APOOL: variants seen among roughly 807,000 people sequenced by gnomAD.
The protein encoded by APOOL is apolipoprotein O like, also known as MICOS complex subunit MIC27.
Under a neutral mutation model 23.1 loss-of-function variants are expected in APOOL, and 12 were observed. The ratio of observed to expected loss-of-function variants is 0.52; its 90% CI spans 0.33 to 0.84. The LOEUF (loss-of-function observed/expected upper bound fraction) is 0.84. Ranked by LOEUF, APOOL falls within the 40% of genes least tolerant of loss-of-function variation. The pLI, the probability that APOOL is intolerant of heterozygous loss-of-function variation, is 0.02. For synonymous variants in APOOL, 77 were observed against 69.9 expected, an observed-to-expected ratio of 1.10 and a Z score of -0.51; for missense variants, 212 against 199.6, an observed-to-expected ratio of 1.06 and a Z score of -0.37.
At chrX:85,066,329 G>T (rs1291015460) in intron 5 of APOOL, among the ~76,000 whole-genome samples, 2 of 111,453 alleles carry the variant, frequency 1.8e-5, no homozygotes, top group African/African-American at 6.5e-5. Context: ...AAACTATTCT[G>T]TAGAACCCTT....
At chrX:85,077,510 A>G (rs924398925) in intron 8 of APOOL, among the ~76,000 whole-genome samples, 46 of 111,066 alleles carry the variant, frequency 4.1e-4, no homozygotes, top group Non-Finnish European at 2.6e-4. Flanking sequence ...TCTATCATTG[A>G]TGGACATTTG....
chrX:85,035,340 G>A (rs1226374241), intron 1 of APOOL, among the ~76,000 whole-genome samples: 4 of 110,797 alleles, frequency 3.6e-5, no homozygotes, highest in Non-Finnish European at 7.6e-5. Context: ...TCTAAGTTTT[G>A]CGTAGATTCT....
chrX:85,042,412 C>T (rs2147641943), intron 1 of APOOL, among the ~76,000 whole-genome samples: 1 of 111,526 alleles, frequency 9.0e-6, no homozygotes, highest in South Asian at 3.8e-4. Context: ...ATGAAGAAAT[C>T]CAAAATCTGA....
intron 5 of APOOL, among the ~76,000 whole-genome samples, chrX:85,057,158 G>T (rs917028232): frequency 3.6e-5 from 4 of 111,194 alleles, no homozygotes; most frequent in Non-Finnish European, 7.5e-5. Flanking sequence ...ATTAGGAATA[G>T]AGCTACTATG....
At chrX:85,036,818 C>T (rs1014164632) in intron 1 of APOOL, among the ~76,000 whole-genome samples, 1 of 110,364 alleles carries the variant, frequency 9.1e-6, no homozygotes, top group African/African-American at 3.3e-5. Flanking sequence ...GTACACTGTA[C>T]CCAGTATGTA....
rs189089522 is a variant in APOOL at position 85,008,469 on chromosome X, A to G, written c.15+4542A>G. On this transcript the variant is annotated intron_variant, in intron 1 of 8. Transcript: ENST00000373173. ...TACTTCACTCAGCATAATACCCTTG[A>G]GGGTTATCCATGTTGTTGTAAATGA... is the stretch of plus-strand genomic sequence containing the variant. Among the ~76,000 whole-genome samples, 3 of 109,179 alleles carry G rather than the reference A, an allele frequency of 2.7e-5. No individual in the cohort carries two copies. In the East Asian group the frequency reaches 8.6e-4, roughly 31 times the overall value. 94.8% of individuals were successfully genotyped at this position (109,179 alleles called of 115,157 possible).
chrX:85,063,152 CT>C (rs1489136670), intron 5 of APOOL, among the ~76,000 whole-genome samples: 97 of 111,225 alleles, frequency 8.7e-4, no homozygotes, highest in African/African-American at 3.0e-3. Flanking sequence ...TATGATTTGG[CT>C]CTCTGCTTGC....
intron 1 of APOOL, among the ~76,000 whole-genome samples, chrX:85,007,902 TA>T (rs1921131605): frequency 8.9e-6 from 1 of 111,951 alleles, no homozygotes; most frequent in Non-Finnish European, 1.9e-5. Flanking sequence ...TAATTCTCAC[TA>T]AAAGTCTTCT....
chrX:85,046,632 C>G (rs1922586969), intron 2 of APOOL, 82 bp downstream of exon 2: 11 of 793,539 alleles, frequency 1.4e-5, no homozygotes, highest in Non-Finnish European at 2.0e-5. Context: ...TATCTTTGCC[C>G]ATCAAAAATG....
intron 5 of APOOL, among the ~76,000 whole-genome samples, chrX:85,058,985 T>A (rs985878881): frequency 3.2e-4 from 34 of 107,857 alleles, no homozygotes; most frequent in Non-Finnish European, 5.6e-4. Flanking sequence ...CATTAACTCG[T>A]CATTTAGCAT....
chrX:85,034,005 C>A (rs1410268663), intron 1 of APOOL, among the ~76,000 whole-genome samples: 1 of 111,497 alleles, frequency 9.0e-6, no homozygotes, highest in East Asian at 2.8e-4. Context: ...CTCTAACACT[C>A]AGCTCTTGGT....
chrX:85,006,234 G>C (rs1378058261), intron 1 of APOOL, among the ~76,000 whole-genome samples: 1 of 111,420 alleles, frequency 9.0e-6, no homozygotes, highest in African/African-American at 3.3e-5. Flanking sequence ...TGGAGAACTG[G>C]CATTCATTTA....
intron 6 of APOOL, among the ~76,000 whole-genome samples, chrX:85,070,148 A>G (rs1409112648): frequency 9.0e-6 from 1 of 111,578 alleles, no homozygotes; most frequent in Non-Finnish European, 1.9e-5. Flanking sequence ...ATTTATAATA[A>G]ATTAAAAAAA....
intron 1 of APOOL, among the ~76,000 whole-genome samples, chrX:85,015,603 T>C (rs1235974355): frequency 9.2e-6 from 1 of 108,356 alleles, no homozygotes; most frequent in Non-Finnish European, 1.9e-5. Flanking sequence ...GATTTCACTC[T>C]TGTGGCCCAG....
intron 1 of APOOL, among the ~76,000 whole-genome samples, chrX:85,014,084 T>A (rs1347986258): frequency 4.5e-5 from 5 of 111,855 alleles, no homozygotes; most frequent in Non-Finnish European, 9.4e-5. Context: ...TATCCCTCTT[T>A]GTCTTTTTAA....
At chrX:85,027,343 T>G (rs749365447) in intron 1 of APOOL, among the ~76,000 whole-genome samples, 1 of 111,275 alleles carries the variant, frequency 9.0e-6, no homozygotes, top group African/African-American at 3.3e-5. Flanking sequence ...CAGCCCCCAC[T>G]TCCTATATTG....
At chrX:85,016,303 T>C (rs963174537) in intron 1 of APOOL, among the ~76,000 whole-genome samples, 2 of 106,529 alleles carry the variant, frequency 1.9e-5, no homozygotes, top group Non-Finnish European at 3.9e-5. Flanking sequence ...GGTCCCAACC[T>C]TGATGAGGGT....
In APOOL at chrX:85,092,605, A is replaced by G. The variant is rs1924558306; in HGVS notation, c.*4927A>G. 3.6e-6 allele frequency: 4 copies of G among 1,117,999 alleles called. No homozygotes were observed. Among genetic ancestry groups the G allele is most frequent in the Non-Finnish European group, 4.9e-6 (4 of 820,772 alleles). 92.1% of individuals were successfully genotyped at this position (1,117,999 alleles called of 1,213,427 possible). A position where few individuals can be genotyped will look rare whatever the true frequency, so the allele number is the denominator to read the frequency against. Reference sequence around the variant, plus strand: ...GCAAATATTACTTTCATTTGAAAGTATAATCTTCGTTAACACATATATTTT... The same window carrying G: ...GCAAATATTACTTTCATTTGAAAGTGTAATCTTCGTTAACACATATATTTT... On this transcript the variant is annotated 3_prime_UTR_variant, in exon 9 of 9. Transcript: ENST00000373173.
rs1215103816 is a variant in APOOL at position 85,003,886 on chromosome X, A to G, written c.-27A>G. The G allele has an allele frequency of 1.7e-6, 2 of 1,209,441 alleles. No homozygotes were observed. ...TTTGTCCCTCTCTGCTCTCCGTCTG[A>G]AAACCTTGGCCGAAAGGGTTGTAGA... On this transcript the variant is annotated 5_prime_UTR_variant, in exon 1 of 9. Coordinates refer to ENST00000373173, the MANE Select transcript of APOOL (RefSeq NM_198450.6).
Sources: allele counts gnomAD v4.1 joint callset (sites outside exome capture counted in the v4.1 genomes callset), GRCh38; gene constraint gnomAD v4.1.1; transcripts MANE v1.5; gene names NCBI Gene and HGNC (gene_info 2026-07-23, HGNC 2026-07-21).